Variants in VCL observed in about 807,000 individuals in gnomAD.
VCL encodes the protein epididymis luminal protein 114.
VCL carries 47 observed loss-of-function variants against 125.7 expected under a neutral mutation model. The ratio of observed to expected loss-of-function variants is 0.37; its 90% CI spans 0.30 to 0.48. The LOEUF is 0.48. Ranked by LOEUF, VCL falls within the 20% of genes least tolerant of loss-of-function variation. The probability of loss-of-function intolerance (pLI) is 0.99; values close to 1 mark genes in which losing one functional copy is unlikely to be tolerated. For synonymous variants in VCL, 458 were observed against 514.6 expected (o/e 0.89, Z 1.49); for missense variants, 1,069 against 1,455.5 (o/e 0.73, Z 4.32).
intron 2 of VCL, among the ~76,000 whole-genome samples, chr10:74,043,769 C>T (rs554162516): frequency 6.6e-6 from 1 of 152,104 alleles, no homozygotes; most frequent in African/African-American, 2.4e-5. Context: ...TACTAGGCAC[C>T]TTTGCTTGGA....
chr10:74,013,593 A>G (rs907432080), intron 1 of VCL, among the ~76,000 whole-genome samples: 1 of 152,026 alleles, frequency 6.6e-6, no homozygotes, highest in South Asian at 2.1e-4. Flanking sequence ...GAAGCAGTAC[A>G]GTAGTATAAT....
chr10:74,097,888 A>G lies in VCL; in HGVS notation c.1872+556A>G, dbSNP rs143715657. ...TTGCCAGCGATGTGCTGGTAAGCCA[A>G]CTCTCCAGGAAAACGAAAAACCTTG... On this transcript the variant is annotated intron_variant, in intron 13 of 21. Transcript: ENST00000211998. The surrounding 1 kb of genome is among the most constrained non-coding windows in gnomAD (Gnocchi z 4.1). 3.9e-3 allele frequency among the ~76,000 whole-genome samples: 593 copies of G among 152,172 alleles called. 8 individuals are homozygous for G. The highest frequency in any genetic ancestry group is 0.013 in the African/African-American group (528 of 41,500).
At chr10:74,064,018 C>T (rs1391107634) in intron 2 of VCL, 1 of 152,178 alleles carries the variant, frequency 6.6e-6, no homozygotes, top group East Asian at 1.9e-4. Context: ...AAACTATCCT[C>T]ACTTCAGATA....
intron 1 of VCL, among the ~76,000 whole-genome samples, chr10:74,039,914 C>G (rs1036897338): frequency 6.6e-6 from 1 of 152,198 alleles, no homozygotes; most frequent in Non-Finnish European, 1.5e-5. Context: ...GCCTTCTTAC[C>G]CAGCCTCATT....
At chr10:74,018,189 T>TATATATATATATATATATATATG (rs1296797514) in intron 1 of VCL, among the ~76,000 whole-genome samples, 2 of 138,806 alleles carry the variant, frequency 1.4e-5, no homozygotes, top group Admixed American at 7.4e-5. Context: ...TATATATATA[T>TATATATATATATATATATATATG]ATATATATAT....
At chr10:74,087,323 T>A (rs150555642) in intron 8 of VCL, among the ~76,000 whole-genome samples, 4,177 of 141,776 alleles carry the variant, frequency 0.029, 84 homozygotes, top group Middle Eastern at 0.05. Flanking sequence ...TTATTTATTT[T>A]TTTTTTTAGG....
intron 2 of VCL, among the ~76,000 whole-genome samples, chr10:74,056,475 C>A (rs184223937): frequency 2.9e-4 from 44 of 152,072 alleles, no homozygotes; most frequent in Non-Finnish European, 4.9e-4. Flanking sequence ...GTCCACTTTG[C>A]ATTATGTTGT....
At chr10:74,004,412 G>A (rs1342161185) in intron 1 of VCL, among the ~76,000 whole-genome samples, 1 of 152,198 alleles carries the variant, frequency 6.6e-6, no homozygotes, top group Non-Finnish European at 1.5e-5. Context: ...GGCACAGCTG[G>A]TTAACCTGGA....
intron 2 of VCL, among the ~76,000 whole-genome samples, chr10:74,070,145 T>C (rs1841642099): frequency 6.6e-6 from 1 of 152,212 alleles, no homozygotes; most frequent in Admixed American, 6.5e-5. Flanking sequence ...CTTTGCTTTG[T>C]TTAGTTATTA....
intron 5 of VCL, 95 bp from the exon 6 acceptor site, chr10:74,074,648 G>T: frequency 6.9e-7 from 1 of 1,445,884 alleles, no homozygotes; most frequent in Non-Finnish European, 9.4e-7. Flanking sequence ...GATCTTAAAA[G>T]CCCAAAACAT....
intron 1 of VCL, 68 bp downstream of exon 1, chr10:73,998,443 G>A: frequency 7.7e-7 from 1 of 1,295,162 alleles, no homozygotes; most frequent in Non-Finnish European, 9.8e-7. Flanking sequence ...CCCGCGTCGC[G>A]GCTGCCTGTG....
intron 18 of VCL, 61 bp downstream of exon 18, chr10:74,109,217 T>C (rs1040314891): frequency 1.2e-6 from 2 of 1,601,576 alleles, no homozygotes; most frequent in Admixed American, 1.7e-5. Context: ...TGAAGGACCA[T>C]GAAAGACCCA....
At chr10:74,044,049 TG>T (rs931828818) in intron 2 of VCL, among the ~76,000 whole-genome samples, 5 of 151,850 alleles carry the variant, frequency 3.3e-5, no homozygotes, top group Non-Finnish European at 7.4e-5. Context: ...AGGTGGAGCT[TG>T]CAGTGAGTGG....
chr10:74,075,670 G>T (rs184079047), intron 6 of VCL: 4 of 150,356 alleles, frequency 2.7e-5, no homozygotes, highest in Non-Finnish European at 2.9e-5. Context: ...CTGTCCCCAA[G>T]ATCTAGCTTT....
chr10:74,087,319 A>T (rs75684990), intron 8 of VCL, among the ~76,000 whole-genome samples: 8,577 of 130,532 alleles, frequency 0.066, 831 homozygotes, highest in African/African-American at 0.21. Flanking sequence ...TTATTTATTT[A>T]TTTTTTTTTT....
At position 74,118,049 on chromosome 10, in the gene VCL, C is replaced by T; in HGVS notation, c.3285C>T (p.Ala1095=). ...CCACAGAGATGCTGGTTCACAATGCCCAGAACCTCATGCAGTCTGTGAAGG... is the reference window on the plus strand; with the variant it reads ...CCACAGAGATGCTGGTTCACAATGCTCAGAACCTCATGCAGTCTGTGAAGG... ...EQATEMLVHN[A]QNLMQSVKET... Residue 1095 remains alanine, a synonymous_variant, in exon 22 of 22, where the codon GCC becomes GCT. Transcript: ENST00000211998. The T allele has an allele frequency of 6.2e-7, 1 of 1,614,074 alleles. No individual in the cohort carries two copies. Among genetic ancestry groups the T allele is most frequent in the African/African-American group, 1.3e-5 (1 of 74,990 alleles).
At position 74,032,709 on chromosome 10, in the gene VCL, A is replaced by AT. The variant is rs1186685778; in HGVS notation, c.169-10374_169-10373insT. Among the ~76,000 whole-genome samples the AT allele has an allele frequency of 4.4e-3, 609 of 138,056 alleles. 3 individuals are homozygous for AT. The highest frequency in any genetic ancestry group is 0.016 in the East Asian group (78 of 5,016). 90.6% of individuals were successfully genotyped at this position (138,056 alleles called of 152,430 possible). On this transcript the variant is annotated intron_variant, in intron 1 of 21. Transcript: ENST00000211998. ...AGTAAGTCTCGGTCTCAAAAAAAAAAATATATATATATATATATATATTGG... is the reference window on the plus strand; with the variant it reads ...AGTAAGTCTCGGTCTCAAAAAAAAAATATATATATATATATATATATATTGG...
chr10:74,019,625 A>T (rs554430259), intron 1 of VCL, among the ~76,000 whole-genome samples: 2 of 152,300 alleles, frequency 1.3e-5, no homozygotes, highest in Admixed American at 6.5e-5. Context: ...GAAAAGACAC[A>T]TCTGCAGCAT....
chr10:74,094,178 T>C (rs1839930264), intron 10 of VCL, 93 bp from the exon 11 acceptor site: 1 of 1,493,624 alleles, frequency 6.7e-7, no homozygotes, highest in Admixed American at 2.0e-5. Context: ...CAGGAGCAAT[T>C]TGTCATCCTA....
Sources: gnomAD v4.1 joint callset for allele counts (sites outside exome capture counted in the v4.1 genomes callset) on GRCh38, gnomAD v4.1.1 for gene constraint, Gnocchi (gnomAD v3.1) non-coding constraint, MANE v1.5 for transcripts, NCBI Gene and HGNC (gene_info 2026-07-23, HGNC 2026-07-21) for gene names.